The following BAHCC1 variants were observed in gnomAD, a reference collection of about 807,000 sequenced individuals.
BAHCC1 encodes BAH and coiled-coil domain-containing protein 1.
In BAHCC1, 43 loss-of-function variants were observed where a neutral mutation model predicts 88.2. That is an observed-to-expected ratio of 0.49 (90% CI 0.38 to 0.63). The LOEUF (loss-of-function observed/expected upper bound fraction) is 0.63. Ranked by LOEUF, BAHCC1 falls within the 20% of genes least tolerant of loss-of-function variation. The pLI is 0.00. For synonymous variants in BAHCC1, 1,510 were observed against 745.5 expected (o/e 2.03, Z -16.71); for missense variants, 3,023 against 1,654.8 (o/e 1.83, Z -14.34).
rs782310656 is a variant in BAHCC1, at chr17:81,447,284, G to A, written c.3412G>A (p.Glu1138Lys). Residue 1138 changes from glutamate (E) to lysine (K), a missense_variant, in exon 11 of 28, where the codon GAG (glutamate) becomes AAG (lysine). Transcript: ENST00000675386. ...CCTTGCCGCCACCCCCTACCCTACC[G>A]AGCGGGGACCCCAGGGGAAGGCAGC... The part of the protein sequence containing the change: ...QDLAATPYPT[E>K]RGPQGKAADP... 23 of 727,304 alleles carry A rather than the reference G, an allele frequency of 3.2e-5. No individual in the cohort carries two copies. Among genetic ancestry groups the A allele is most frequent in the Non-Finnish European group, 4.6e-5 (18 of 394,102 alleles). The allele number at this position is 727,304 out of a possible 1,614,324, so 45.1% of individuals were successfully genotyped here. A position where few individuals can be genotyped will look rare whatever the true frequency, so the allele number is the denominator to read the frequency against.
chr17:81,458,567 A>C, intron 18 of BAHCC1, 54 bp from the exon 19 acceptor site: 1 of 662,814 alleles, frequency 1.5e-6, no homozygotes, highest in South Asian at 1.5e-5. Flanking sequence ...CTCTGGGTCA[A>C]CCTGAGGCTG....
intron 2 of BAHCC1, among the ~76,000 whole-genome samples, chr17:81,424,856 G>A (rs1483917199): frequency 6.6e-6 from 1 of 151,276 alleles, no homozygotes; most frequent in African/African-American, 2.4e-5. Context: ...CAGGTGATGT[G>A]GTTGGTGGTG....
rs782175755 is a variant in BAHCC1 at position 81,458,876 on chromosome 17, G to A, written c.5512G>A (p.Asp1838Asn). 18 of 774,294 alleles carry A rather than the reference G, an allele frequency of 2.3e-5. No individual in the cohort carries two copies. Among genetic ancestry groups the A allele is most frequent in the Middle Eastern group, 2.3e-4 (1 of 4,442 alleles). The allele number at this position is 774,294 out of a possible 1,614,324, so 48.0% of individuals were successfully genotyped here. A position where few individuals can be genotyped will look rare whatever the true frequency, so the allele number is the denominator to read the frequency against. Residue 1838 changes from aspartate (D) to asparagine (N), a missense_variant, in exon 20 of 28, where the codon GAC becomes AAC. By Grantham distance (23) the Asp-to-Asn change is conservative. Transcript: ENST00000675386. Reference protein sequence around the residue: ...SFAVEEDFEFDDNSSFSEEEE... With the variant: ...SFAVEEDFEFNDNSSFSEEEE... ...CGCCGTGGAGGAAGACTTTGAGTTCGACGACAACAGCAGCTTCTCGGAAGA... is the reference window on the plus strand; with the variant it reads ...CGCCGTGGAGGAAGACTTTGAGTTCAACGACAACAGCAGCTTCTCGGAAGA...
intron 3 of BAHCC1, among the ~76,000 whole-genome samples, chr17:81,428,583 C>A (rs1598474836): frequency 1.3e-5 from 2 of 152,214 alleles, no homozygotes; most frequent in East Asian, 3.9e-4. Context: ...CTACCCCACT[C>A]CCTCCACCCA....
chr17:81,421,881 G>C, intron 2 of BAHCC1: 1 of 336,090 alleles, frequency 3.0e-6, no homozygotes, highest in Non-Finnish European at 6.0e-6. Flanking sequence ...GCCTGGGCAC[G>C]GAATTGGGGT....
At position 81,434,389 on chromosome 17, in the gene BAHCC1, T is replaced by C. The variant is rs1555651415; in HGVS notation, c.359-3981T>C. Among the ~76,000 whole-genome samples the C allele has an allele frequency of 1.3e-5, 2 of 152,170 alleles. No individual in the cohort carries two copies. Among genetic ancestry groups the C allele is most frequent in the African/African-American group, 4.8e-5 (2 of 41,450 alleles). ...CCGTGGGAGGCCAGCGTGGCAGACC[T>C]TCCCCCAGGGAGGAGGCACTGCCGT... On this transcript the variant is annotated intron_variant, in intron 3 of 27. Transcript: ENST00000675386. The surrounding 1 kb of genome is among the most constrained non-coding windows in gnomAD (Gnocchi z 4.9).
Position 81,464,136 on chromosome 17 carries a change from C to T in BAHCC1, c.*319C>T. 2.2e-6 allele frequency: 1 copy of T among 447,252 alleles called. No individual in the cohort carries two copies. The highest frequency in any genetic ancestry group is 4.1e-6 in the Non-Finnish European group (1 of 244,886). 27.7% of individuals were successfully genotyped at this position (447,252 alleles called of 1,614,324 possible). On this transcript the variant is annotated 3_prime_UTR_variant, in exon 28 of 28. Coordinates refer to ENST00000675386, the MANE Select transcript of BAHCC1 (RefSeq NM_001377448.1). ...GGGAGATTTGAATCCAAGCCATATTCCCTAGTACCTCCGACTGTCTCCCAC... is the reference window on the plus strand; with the variant it reads ...GGGAGATTTGAATCCAAGCCATATTTCCTAGTACCTCCGACTGTCTCCCAC...
intron 2 of BAHCC1, among the ~76,000 whole-genome samples, chr17:81,414,502 G>A (rs532416759): frequency 7.0e-4 from 106 of 152,216 alleles, no homozygotes; most frequent in African/African-American, 2.4e-3. Flanking sequence ...AAACCCCCTC[G>A]GCCAGCCCCA....
At chr17:81,415,390 C>T (rs929876201) in intron 2 of BAHCC1, 1 of 341,686 alleles carries the variant, frequency 2.9e-6, no homozygotes, top group Admixed American at 3.9e-5. Context: ...TGGGTGTGAA[C>T]CACGCCTTGA....
At chr17:81,406,024 C>G (rs868985051) in intron 2 of BAHCC1, among the ~76,000 whole-genome samples, 1 of 152,218 alleles carries the variant, frequency 6.6e-6, no homozygotes, top group African/African-American at 2.4e-5. Flanking sequence ...GGGAGTCCCT[C>G]GAGAAAATAC....
rs533540066 is a variant in BAHCC1 at position 81,446,603 on chromosome 17, C to T, written c.3164-433C>T. On this transcript the variant is annotated intron_variant, in intron 10 of 27. Coordinates refer to ENST00000675386, the MANE Select transcript of BAHCC1 (RefSeq NM_001377448.1). ...TCCCTATGTCGCCCAGTCTGGAGTGCAGTGACGCGAACATGGTTCACTGCA... is the reference window on the plus strand; with the variant it reads ...TCCCTATGTCGCCCAGTCTGGAGTGTAGTGACGCGAACATGGTTCACTGCA... The T allele has an allele frequency of 3.1e-5, 8 of 255,664 alleles. No individual in the cohort carries two copies. In the East Asian group the frequency reaches 9.4e-4, roughly 30 times the overall value. The allele number at this position is 255,664 out of a possible 1,614,324, so 15.8% of individuals were successfully genotyped here.
chr17:81,416,509 G>GCATGTGTGCT (rs1568001542), intron 2 of BAHCC1, among the ~76,000 whole-genome samples: 21 of 149,866 alleles, frequency 1.4e-4, no homozygotes, highest in African/African-American at 4.7e-4. Context: ...GCATGTGTGC[G>GCATGTGTGCT]TGTGTGTCCA....
At chr17:81,459,682 C>T in intron 23 of BAHCC1, 78 bp downstream of exon 23, 3 of 759,032 alleles carry the variant, frequency 4.0e-6, no homozygotes, top group Non-Finnish European at 7.4e-6. Flanking sequence ...AACAGCCTGG[C>T]TTCCGAGGCT....
In BAHCC1 at chr17:81,434,728, C is replaced by T. The variant is rs944505247; in HGVS notation, c.359-3642C>T. ...CCTGGTTTTCCACGGCAGGGATGCTCCCTGGAAGGGCAGCCTGGGGGGTGG... is the reference window on the plus strand; with the variant it reads ...CCTGGTTTTCCACGGCAGGGATGCTTCCTGGAAGGGCAGCCTGGGGGGTGG... On this transcript the variant is annotated intron_variant, in intron 3 of 27. Coordinates refer to ENST00000675386, the MANE Select transcript of BAHCC1 (RefSeq NM_001377448.1). The surrounding 1 kb of genome is among the most constrained non-coding windows in gnomAD (Gnocchi z 4.9). Among the ~76,000 whole-genome samples the T allele has an allele frequency of 6.6e-6, 1 of 152,088 alleles. No homozygotes were observed. The highest frequency in any genetic ancestry group is 6.5e-5 in the Admixed American group (1 of 15,282).
At chr17:81,407,441 C>T in intron 2 of BAHCC1, 2 of 515,208 alleles carry the variant, frequency 3.9e-6, no homozygotes, top group Admixed American at 2.0e-5. Context: ...GCTTTCTTCC[C>T]CTGAGACTTC....
intron 3 of BAHCC1, among the ~76,000 whole-genome samples, chr17:81,432,894 ATCCCCAGGCCCACCCTTCCCCCC>A (rs2064284333): frequency 0.027 from 153 of 5,626 alleles, 6 homozygotes; most frequent in African/African-American, 0.14. Context: ...CTCCCCCCCC[ATCCCCAGGCCCACCCTTCCCCCC>A]ATCCCCAGGA....
At chr17:81,452,887 G>C (rs2064670267) in intron 14 of BAHCC1, 36 bp downstream of exon 14, 1 of 702,756 alleles carries the variant, frequency 1.4e-6, no homozygotes, top group Non-Finnish European at 2.6e-6. Context: ...GGGCGCGTGT[G>C]GCCGGCCCTG....
intron 3 of BAHCC1, among the ~76,000 whole-genome samples, chr17:81,433,323 G>C (rs1214982420): frequency 6.6e-6 from 1 of 152,176 alleles, no homozygotes; most frequent in African/African-American, 2.4e-5. Context: ...AGGGGTGTAT[G>C]GCAGAGAGCA....
intron 3 of BAHCC1, among the ~76,000 whole-genome samples, chr17:81,427,264 C>G (rs1458029016): frequency 6.6e-6 from 1 of 152,168 alleles, no homozygotes; most frequent in Non-Finnish European, 1.5e-5. Context: ...CTCTGGGGAG[C>G]TGAGAAAATG....
Sources: gnomAD v4.1 joint callset for allele counts (sites outside exome capture counted in the v4.1 genomes callset) on GRCh38, gnomAD v4.1.1 for gene constraint, Gnocchi (gnomAD v3.1) non-coding constraint, MANE v1.5 for transcripts, NCBI Gene and HGNC (gene_info 2026-07-23, HGNC 2026-07-21) for gene names.